Variants in EPC1 observed in about 807,000 individuals in gnomAD.
The protein encoded by EPC1 is enhancer of polycomb homolog 1.
In EPC1, 12 loss-of-function variants were observed where a neutral mutation model predicts 98.4. The observed-to-expected ratio is 0.12, with a 90% CI of 0.08 to 0.20. The LOEUF (loss-of-function observed/expected upper bound fraction) is 0.20, where lower values mean the gene tolerates loss of function less well. EPC1 is among the 10% of genes least tolerant of loss of function. The probability of loss-of-function intolerance (pLI) is 1.00; values close to 1 mark genes in which losing one functional copy is unlikely to be tolerated. For missense variants in EPC1, 729 were observed against 990.5 expected, an observed-to-expected ratio of 0.74 and a Z score of 3.54; for synonymous variants, 357 against 363.9, an observed-to-expected ratio of 0.98 and a Z score of 0.21.
intron 1 of EPC1, among the ~76,000 whole-genome samples, chr10:32,313,448 A>C (rs777598087): frequency 6.6e-6 from 1 of 152,246 alleles, no homozygotes; most frequent in Admixed American, 6.5e-5. Context: ...TAAATTGTAC[A>C]GTGTAATAAA....
intron 10 of EPC1, among the ~76,000 whole-genome samples, chr10:32,275,314 T>G (rs1223960785): frequency 1.3e-5 from 2 of 152,236 alleles, no homozygotes; most frequent in African/African-American, 2.4e-5. Context: ...ACTGTTAACT[T>G]CTTCCTAATA....
chr10:32,312,999 A>G (rs1441260667), intron 1 of EPC1, among the ~76,000 whole-genome samples: 1 of 152,182 alleles, frequency 6.6e-6, no homozygotes, highest in East Asian at 1.9e-4. Flanking sequence ...CTGAAGTACT[A>G]CTTTCAAATT....
chr10:32,273,237 G>A lies in EPC1; in HGVS notation c.1789C>T (p.Leu597Phe), dbSNP rs755817235. Residue 597 changes from leucine to phenylalanine, a missense_variant, in exon 11 of 14, where the codon CTC becomes TTC. Leu to Phe is a conservative substitution (Grantham distance 22, BLOSUM62 0). Transcript: ENST00000319778. ...QYQQHQQQLALMQKQQLAQIQ... is the reference protein window; with the variant it reads ...QYQQHQQQLAFMQKQQLAQIQ... ...TGTGCAAGCTGCTGTTTCTGCATGA[G>A]TGCCAGTTGCTGTTGATGTTGCTGG... The A allele has an allele frequency of 1.2e-6, 2 of 1,613,824 alleles. No individual in the cohort carries two copies. The highest frequency in any genetic ancestry group is 1.7e-6 in the Non-Finnish European group (2 of 1,179,684).
intron 1 of EPC1, among the ~76,000 whole-genome samples, chr10:32,315,283 T>C (rs566733762): frequency 6.0e-4 from 92 of 152,188 alleles, no homozygotes; most frequent in African/African-American, 2.0e-3. Context: ...ATAAAACACA[T>C]GAAAAAAGAC....
At chr10:32,298,019 G>C (rs1256887033) in intron 2 of EPC1, among the ~76,000 whole-genome samples, 1 of 151,630 alleles carries the variant, frequency 6.6e-6, no homozygotes, top group African/African-American at 2.4e-5. Flanking sequence ...GGATGGTCTC[G>C]ATCTCCTGAC....
At chr10:32,364,946 G>A (rs1428342266) in intron 1 of EPC1, among the ~76,000 whole-genome samples, 2 of 141,186 alleles carry the variant, frequency 1.4e-5, no homozygotes, top group Admixed American at 7.2e-5. Flanking sequence ...GCTATCGTTT[G>A]TATATTTTTT....
intron 10 of EPC1, among the ~76,000 whole-genome samples, chr10:32,276,914 C>A (rs370851840): frequency 3.3e-5 from 5 of 152,172 alleles, no homozygotes; most frequent in African/African-American, 1.2e-4. Context: ...TTGTTGTTGA[C>A]AGATGACCAA....
chr10:32,307,963 T>C (rs1457468826), intron 1 of EPC1, among the ~76,000 whole-genome samples: 2 of 152,252 alleles, frequency 1.3e-5, no homozygotes, highest in Admixed American at 6.5e-5. Flanking sequence ...CCTTTTGGAC[T>C]GTTGCAAATC....
chr10:32,292,762 G>T, intron 4 of EPC1, 118 bp from the exon 5 acceptor site: 2 of 1,053,574 alleles, frequency 1.9e-6, no homozygotes, highest in South Asian at 3.5e-5. Context: ...GACAATAAAA[G>T]GGAGCACAGA....
chr10:32,349,488 C>T (rs2505373), upstream of EPC1, among the ~76,000 whole-genome samples: 83,613 of 152,054 alleles, frequency 0.55, 26,545 homozygotes, highest in East Asian at 0.72. Context: ...TATCCGTCTC[C>T]TCAATGCTGT....
intron 2 of EPC1, among the ~76,000 whole-genome samples, chr10:32,297,676 G>C (rs898995243): frequency 1.6e-4 from 24 of 151,940 alleles, no homozygotes; most frequent in African/African-American, 4.8e-4. Flanking sequence ...GATGCATACA[G>C]GTAAACAGAA....
rs1009328547 is a variant in EPC1, at chr10:32,310,798, C to T, written c.154-4867G>A. Among the ~76,000 whole-genome samples, 5 of 151,776 alleles carry T rather than the reference C, an allele frequency of 3.3e-5. No individual in the cohort carries two copies. The South Asian group carries it at 6.2e-4, about 19-fold the overall frequency. ...CTGAAGCAGGAGAATTGTTTGAACC[C>T]GGGAGACAGAGGCTGCAGTAAGCGG... On this transcript the variant is annotated intron_variant, in intron 1 of 13. Transcript: ENST00000319778.
At chr10:32,362,212 TTGGGGCCTGGA>T (rs1023327286) in intron 1 of EPC1, among the ~76,000 whole-genome samples, 1 of 152,176 alleles carries the variant, frequency 6.6e-6, no homozygotes, top group African/African-American at 2.4e-5. Context: ...GAGCCCTCTC[TTGGGGCCTGGA>T]TGGGGACCCC....
At chr10:32,300,217 A>T (rs1835416029) in intron 2 of EPC1, among the ~76,000 whole-genome samples, 1 of 151,310 alleles carries the variant, frequency 6.6e-6, no homozygotes, top group Non-Finnish European at 1.5e-5. Context: ...GGGCCACAAA[A>T]ATGATTTTCT....
chr10:32,347,566 G>C (rs1838938378), upstream of EPC1: 1 of 152,054 alleles, frequency 6.6e-6, no homozygotes, highest in African/African-American at 2.4e-5. Flanking sequence ...GGCACCTGGG[G>C]CTCGGAGGGC....
At chr10:32,331,294 G>C (rs966993821) in intron 1 of EPC1, among the ~76,000 whole-genome samples, 1 of 151,572 alleles carries the variant, frequency 6.6e-6, no homozygotes, top group Non-Finnish European at 1.5e-5. Flanking sequence ...AGAGGTTGCA[G>C]TGAGCCAAGA....
intron 1 of EPC1, among the ~76,000 whole-genome samples, chr10:32,332,247 G>A (rs559193848): frequency 2.6e-5 from 4 of 152,178 alleles, no homozygotes; most frequent in East Asian, 1.9e-4. Context: ...AACAGATAGA[G>A]GAAAGGAAAA....
chr10:32,304,880 T>C (rs1039240518), intron 2 of EPC1, among the ~76,000 whole-genome samples: 4 of 140,326 alleles, frequency 2.9e-5, no homozygotes, highest in Non-Finnish European at 6.0e-5. Context: ...GATCGCGCCA[T>C]TGCACTCTAG....
chr10:32,330,494 G>A (rs7099873), intron 1 of EPC1, among the ~76,000 whole-genome samples: 44,306 of 152,020 alleles, frequency 0.29, 6,614 homozygotes, highest in South Asian at 0.39. Context: ...CCCAGCAATC[G>A]TTTTAGAAGA....
Sources: allele counts gnomAD v4.1 joint callset (sites outside exome capture counted in the v4.1 genomes callset), GRCh38; gene constraint gnomAD v4.1.1; transcripts MANE v1.5; gene names NCBI Gene and HGNC (gene_info 2026-07-23, HGNC 2026-07-21).